The following KAZN variants were observed in gnomAD, a reference collection of about 807,000 sequenced individuals.
The protein encoded by KAZN is kazrin.
Under a neutral mutation model 87.4 loss-of-function variants are expected in KAZN, and 40 were observed. The observed-to-expected ratio is 0.46, with a 90% CI of 0.36 to 0.60. The LOEUF is 0.60. Ranked by LOEUF, KAZN falls within the 20% of genes least tolerant of loss-of-function variation. KAZN has a pLI of 0.00. For missense variants in KAZN, 898 were observed against 1,073.9 expected (o/e 0.84, Z 2.29); for synonymous variants, 466 against 458.3 (o/e 1.02, Z -0.22).
At chr1:14,903,513 C>T (rs774527506) in intron 1 of KAZN, among the ~76,000 whole-genome samples, 18 of 152,144 alleles carry the variant, frequency 1.2e-4, no homozygotes, top group Non-Finnish European at 2.1e-4. Flanking sequence ...TCAGAGGATC[C>T]GGGGAGAGGG....
chr1:14,020,461 T>C (rs1211641253), intron 1 of KAZN, among the ~76,000 whole-genome samples: 1 of 152,194 alleles, frequency 6.6e-6, no homozygotes, highest in Non-Finnish European at 1.5e-5. Flanking sequence ...TTTTCACCCT[T>C]GTACAGGATG....
At chr1:14,759,744 T>C (rs1644683205) in intron 1 of KAZN, among the ~76,000 whole-genome samples, 1 of 152,116 alleles carries the variant, frequency 6.6e-6, no homozygotes, top group Admixed American at 6.5e-5. Flanking sequence ...CCAACTGCCA[T>C]TGGAGAACAG....
At chr1:14,666,970 G>A (rs895280374) in intron 1 of KAZN, among the ~76,000 whole-genome samples, 7 of 152,118 alleles carry the variant, frequency 4.6e-5, no homozygotes, top group African/African-American at 7.2e-5. Flanking sequence ...TCTTGACGTC[G>A]TGATCCGCCC....
At chr1:14,257,975 G>GAAAAAAAAAAAAAAAAAAAAAAAAGAAA (rs201805345) in intron 2 of KAZN, among the ~76,000 whole-genome samples, 1 of 87,976 alleles carries the variant, frequency 1.1e-5, no homozygotes, top group Non-Finnish European at 2.3e-5. Context: ...AAAAAAAAGA[G>GAAAAAAAAAAAAAAAAAAAAAAAAGAAA]AAAAAAAAAA....
chr1:14,090,106 C>T (rs1387915075), intron 1 of KAZN, among the ~76,000 whole-genome samples: 2 of 151,344 alleles, frequency 1.3e-5, no homozygotes, highest in African/African-American at 4.9e-5. Flanking sequence ...TGTTTTTCTT[C>T]ATGTGTCTTT....
Position 14,112,151 on chromosome 1 carries a change from G to A in KAZN, c.92-68284G>A, listed in dbSNP as rs915857544. On this transcript the variant is annotated intron_variant, in intron 1 of 16. Coordinates refer to the KAZN transcript ENST00000636203. ...ACTGCTGACTTCTGACCCAAGGCTG[G>A]GTCTGACCTTACCTACTGGCTGTCC... Among the ~76,000 whole-genome samples, 3 of 134,752 alleles carry A rather than the reference G, an allele frequency of 2.2e-5. 1 individual carries two copies. The highest frequency in any genetic ancestry group is 2.2e-4 in the Admixed American group (3 of 13,642). 88.4% of individuals were successfully genotyped at this position (134,752 alleles called of 152,430 possible).
At chr1:14,228,020 GTTAT>G (rs935379089) in intron 2 of KAZN, among the ~76,000 whole-genome samples, 6 of 152,060 alleles carry the variant, frequency 3.9e-5, no homozygotes, top group African/African-American at 1.4e-4. Flanking sequence ...GCCCATCCTG[GTTAT>G]TTATCTCTCA....
At chr1:14,948,397 A>C (rs1408658174) in intron 1 of KAZN, among the ~76,000 whole-genome samples, 1 of 152,200 alleles carries the variant, frequency 6.6e-6, no homozygotes, top group African/African-American at 2.4e-5. Context: ...TCACAGCCTG[A>C]GCCCATTGGT....
chr1:14,371,909 T>C (rs1445486671), intron 2 of KAZN, among the ~76,000 whole-genome samples: 1 of 152,220 alleles, frequency 6.6e-6, no homozygotes, highest in Admixed American at 6.5e-5. Flanking sequence ...CATAAATTAA[T>C]GCTTTTGTAA....
chr1:14,551,365 T>C (rs1393713357), intron 2 of KAZN, among the ~76,000 whole-genome samples: 3 of 152,202 alleles, frequency 2.0e-5, no homozygotes, highest in Non-Finnish European at 4.4e-5. Flanking sequence ...TGCACAGCTC[T>C]CTAGAATGGG....
intron 1 of KAZN, among the ~76,000 whole-genome samples, chr1:14,708,379 C>A (rs1194225561): frequency 1.3e-5 from 2 of 152,232 alleles, no homozygotes; most frequent in Non-Finnish European, 2.9e-5. Flanking sequence ...GATGCTAATC[C>A]TCGCCAAGGA....
chr1:14,728,287 TATAAAA>T (rs1476007153), intron 1 of KAZN, among the ~76,000 whole-genome samples: 957 of 70,314 alleles, frequency 0.014, 10 homozygotes, highest in South Asian at 0.11. Flanking sequence ...ACACCGTATA[TATAAAA>T]AAAAAAAAAA....
At chr1:14,153,465 T>C (rs1386633875) in intron 1 of KAZN, among the ~76,000 whole-genome samples, 1 of 152,168 alleles carries the variant, frequency 6.6e-6, no homozygotes, top group East Asian at 1.9e-4. Flanking sequence ...GTGTATGTTA[T>C]TGGCACCTTT....
chr1:14,991,521 G>T lies in KAZN; in HGVS notation c.418+30646G>T, dbSNP rs139044025. Among the ~76,000 whole-genome samples, 597 of 152,322 alleles carry T rather than the reference G, an allele frequency of 3.9e-3. 5 individuals carry two copies. The highest frequency in any genetic ancestry group is 5.9e-3 in the Non-Finnish European group (400 of 68,040). ...TCCGTGTCCTTCCTAGGAGCCCGAGGAATGTGGGTGCAGGAAGTCTCACTC... is the reference window on the plus strand; with the variant it reads ...TCCGTGTCCTTCCTAGGAGCCCGAGTAATGTGGGTGCAGGAAGTCTCACTC... On this transcript the variant is annotated intron_variant, in intron 2 of 14. Transcript: ENST00000376030.
intron 1 of KAZN, among the ~76,000 whole-genome samples, chr1:13,988,940 A>G (rs958753243): frequency 6.6e-6 from 1 of 152,154 alleles, no homozygotes; most frequent in African/African-American, 2.4e-5. Flanking sequence ...GTGCTGCTAT[A>G]CAGAAAACCT....
chr1:13,903,448 T>A (rs1169241693), intron 1 of KAZN, among the ~76,000 whole-genome samples: 1 of 152,196 alleles, frequency 6.6e-6, no homozygotes, highest in East Asian at 1.9e-4. Flanking sequence ...CAGGGTCTAG[T>A]GCCAGTGTGG....
At chr1:14,383,091 GTGT>G (rs1333922213) in intron 2 of KAZN, among the ~76,000 whole-genome samples, 9 of 151,846 alleles carry the variant, frequency 5.9e-5, no homozygotes, top group Non-Finnish European at 1.2e-4. Context: ...ATTGTTTCAT[GTGT>G]TTTTTGGCTG....
At chr1:14,382,079 T>C (rs996982502) in intron 2 of KAZN, among the ~76,000 whole-genome samples, 2 of 152,016 alleles carry the variant, frequency 1.3e-5, no homozygotes, top group African/African-American at 4.8e-5. Context: ...CCACTGACAA[T>C]AGCTACAAAT....
chr1:14,657,586 G>A (rs1638890944), intron 1 of KAZN, among the ~76,000 whole-genome samples: 1 of 152,202 alleles, frequency 6.6e-6, no homozygotes, highest in Non-Finnish European at 1.5e-5. Flanking sequence ...AGGACCTGAA[G>A]TTTAGGAGGC....
Sources: allele counts gnomAD v4.1 joint callset (sites outside exome capture counted in the v4.1 genomes callset), GRCh38; gene constraint gnomAD v4.1.1; transcripts MANE v1.5; gene names NCBI Gene and HGNC (gene_info 2026-07-23, HGNC 2026-07-21).